Variants in PUM3 observed in about 807,000 individuals in gnomAD.
PUM3 encodes the protein pumilio RNA binding family member 3, also known as pumilio homolog 3.
In PUM3, 91 loss-of-function variants were observed where a neutral mutation model predicts 84.0. The ratio of observed to expected loss-of-function variants is 1.08; its 90% confidence interval spans 0.91 to 1.29. The LOEUF (loss-of-function observed/expected upper bound fraction) is 1.29, where lower values mean the gene tolerates loss of function less well. Ranked by LOEUF, PUM3 falls within the 50% of genes most tolerant of loss-of-function variation. The pLI is 0.00. For synonymous variants in PUM3, 321 were observed against 266.7 expected (o/e 1.20, Z -1.98); for missense variants, 1,067 against 767.5 (o/e 1.39, Z -4.61).
intron 10 of PUM3, 114 bp from the exon 11 acceptor site, chr9:2,824,929 C>T: frequency 3.9e-6 from 2 of 517,578 alleles, no homozygotes; most frequent in Non-Finnish European, 6.1e-6. Context: ...GAAGAGAGTG[C>T]CAGGTAGCAA....
intron 16 of PUM3, among the ~76,000 whole-genome samples, chr9:2,809,783 GTT>G (rs1821328374): frequency 6.6e-6 from 1 of 152,184 alleles, no homozygotes; most frequent in Non-Finnish European, 1.5e-5. Flanking sequence ...AGAGAGCTGA[GTT>G]TCTACAGAGC....
chr9:2,827,977 C>T (rs144402639), intron 9 of PUM3, among the ~76,000 whole-genome samples: 3 of 152,298 alleles, frequency 2.0e-5, no homozygotes, highest in African/African-American at 7.2e-5. Context: ...AGCCACTCCA[C>T]TACTGGACAG....
At chr9:2,821,544 G>C (rs1426399779) in intron 12 of PUM3, among the ~76,000 whole-genome samples, 1 of 151,324 alleles carries the variant, frequency 6.6e-6, no homozygotes, top group South Asian at 2.1e-4. Context: ...AACTAATTAA[G>C]GACAATAATT....
At chr9:2,823,007 G>C (rs73377846) in intron 12 of PUM3, among the ~76,000 whole-genome samples, 1 of 151,406 alleles carries the variant, frequency 6.6e-6, no homozygotes. Context: ...GTTCTCACTG[G>C]ATGTTTTCAA....
At position 2,829,828 on chromosome 9, in the gene PUM3, C is replaced by T. The variant is rs1258521310; in HGVS notation, c.798G>A (p.Glu266=). 1 of 1,614,156 alleles carries T rather than the reference C, an allele frequency of 6.2e-7. No individual in the cohort carries two copies. Among genetic ancestry groups the T allele is most frequent in the Admixed American group, 1.7e-5 (1 of 60,032 alleles). The change falls in exon 8 of 18, where the codon GAG becomes GAA. Residue 266 remains glutamate (E), a synonymous_variant. Coordinates refer to ENST00000397885, the MANE Select transcript of PUM3 (RefSeq NM_014878.5). ...EYAYNDKAIL[E]QRNMLTEELY... Reference sequence around the variant, plus strand: ...GCTCTTCCGTCAGCATGTTCCTCTGCTCCAAAATGGCTTTGTCATTGTATG... The same window carrying T: ...GCTCTTCCGTCAGCATGTTCCTCTGTTCCAAAATGGCTTTGTCATTGTATG...
chr9:2,838,538 C>T (rs1816191051), intron 1 of PUM3, 21 bp from the exon 2 acceptor site: 7 of 1,489,650 alleles, frequency 4.7e-6, no homozygotes, highest in East Asian at 2.3e-5. Context: ...AAAACCAAAA[C>T]CAAAAACAAT....
chr9:2,842,990 A>T (rs1816308658), intron 1 of PUM3, among the ~76,000 whole-genome samples: 1 of 152,082 alleles, frequency 6.6e-6, no homozygotes, highest in South Asian at 2.1e-4. Flanking sequence ...AGTTCTCTTA[A>T]ATGTCCCTTA....
chr9:2,806,763 G>C (rs958040452), intron 17 of PUM3, among the ~76,000 whole-genome samples: 2 of 152,136 alleles, frequency 1.3e-5, no homozygotes, highest in African/African-American at 2.4e-5. Context: ...TTTTAAGTCA[G>C]ATATCAACAA....
intron 13 of PUM3, among the ~76,000 whole-genome samples, chr9:2,814,525 T>G (rs1174578897): frequency 6.6e-6 from 1 of 152,314 alleles, no homozygotes; most frequent in East Asian, 1.9e-4. Context: ...TATGTGTTGC[T>G]GATAATGAAG....
chr9:2,810,115 G>T (rs1005676531), intron 16 of PUM3, among the ~76,000 whole-genome samples: 2 of 145,564 alleles, frequency 1.4e-5, no homozygotes, highest in African/African-American at 5.1e-5. Context: ...GGGGGGGGCT[G>T]GCGGGGGGGG....
chr9:2,837,763 A>G (rs564356225), intron 2 of PUM3, among the ~76,000 whole-genome samples: 1 of 152,278 alleles, frequency 6.6e-6, no homozygotes, highest in East Asian at 1.9e-4. Flanking sequence ...TCTACACAGA[A>G]TTTTCAAGAG....
chr9:2,843,083 C>G (rs999244600), intron 1 of PUM3, among the ~76,000 whole-genome samples: 8 of 152,170 alleles, frequency 5.3e-5, no homozygotes, highest in African/African-American at 1.9e-4. Context: ...GAACCAGGGC[C>G]TATTCATGAT....
In PUM3 at chr9:2,824,769, G is replaced by A. The variant is rs1456372554; in HGVS notation, c.1082C>T (p.Thr361Ile). 1.9e-6 allele frequency: 3 copies of A among 1,589,848 alleles called. No homozygotes were observed. The highest frequency in any genetic ancestry group is 2.3e-5 in the East Asian group (1 of 44,308). ...IREAVVYLAHTHDGARVAMHC... is the reference protein window; with the variant it reads ...IREAVVYLAHIHDGARVAMHC... ...CATGGCCACTCTGGCGCCATCGTGT[G>A]TGTGTGCCAGGTAGACCACCGCTTC... is the stretch of plus-strand genomic sequence containing the variant. Residue 361 changes from threonine to isoleucine, a missense_variant, in exon 11 of 18, where the codon ACA becomes ATA. Transcript: ENST00000397885.
Position 2,837,398 on chromosome 9 carries a change from G to C in PUM3, c.86C>G (p.Ser29Cys). The stretch of plus-strand genomic sequence containing the variant: ...TGTTGGAAATGTCTTTGAAGAACCA[G>C]AATCTAGTGACAATAATAATTATAA... ...EKNRFHKNSD[S>C]GSSKTFPTRK... Residue 29 changes from serine to cysteine, a missense_variant, in exon 3 of 18, where the codon TCT becomes TGT. Ser to Cys is a moderately radical substitution (Grantham distance 112, BLOSUM62 -1). Transcript: ENST00000397885. 2 of 1,590,604 alleles carry C rather than the reference G, an allele frequency of 1.3e-6. No homozygotes were observed. Among genetic ancestry groups the C allele is most frequent in the Non-Finnish European group, 1.7e-6 (2 of 1,159,888 alleles).
chr9:2,808,348 G>A (rs1259510216), intron 16 of PUM3, among the ~76,000 whole-genome samples: 1 of 152,192 alleles, frequency 6.6e-6, no homozygotes, highest in Non-Finnish European at 1.5e-5. Flanking sequence ...GTGTTCACGT[G>A]TTCAACAGTG....
At chr9:2,819,041 T>C (rs545110448) in intron 13 of PUM3, among the ~76,000 whole-genome samples, 2 of 152,348 alleles carry the variant, frequency 1.3e-5, no homozygotes, top group South Asian at 4.1e-4. Context: ...GTCCCATTTA[T>C]GTATATCAAA....
intron 1 of PUM3, among the ~76,000 whole-genome samples, chr9:2,839,673 A>G (rs1816217320): frequency 1.3e-5 from 2 of 152,158 alleles, no homozygotes; most frequent in Non-Finnish European, 2.9e-5. Context: ...TGAAAAATGG[A>G]CAGTCCCTGA....
At chr9:2,841,709 C>G (rs1476282178) in intron 1 of PUM3, among the ~76,000 whole-genome samples, 1 of 142,826 alleles carries the variant, frequency 7.0e-6, no homozygotes, top group African/African-American at 2.7e-5. Flanking sequence ...ATTACTGCTG[C>G]AGGCCAAAAA....
chr9:2,838,080 T>C (rs1007364985), intron 2 of PUM3, among the ~76,000 whole-genome samples: 1 of 152,164 alleles, frequency 6.6e-6, no homozygotes, highest in Non-Finnish European at 1.5e-5. Context: ...CCATTATAAA[T>C]TCTGAACCTA....
Sources: allele counts gnomAD v4.1 joint callset (sites outside exome capture counted in the v4.1 genomes callset), GRCh38; gene constraint gnomAD v4.1.1; transcripts MANE v1.5; gene names NCBI Gene and HGNC (gene_info 2026-07-23, HGNC 2026-07-21).